Variants in CACNA2D3 observed in about 807,000 individuals in gnomAD.
CACNA2D3 encodes calcium voltage-gated channel auxiliary subunit alpha2delta 3, also known as voltage-dependent calcium channel subunit alpha-2/delta-3.
Under a neutral mutation model 160.6 loss-of-function variants are expected in CACNA2D3, and 60 were observed. That is an observed-to-expected ratio of 0.37 (90% CI 0.30 to 0.46). CACNA2D3 has a LOEUF of 0.46. Ranked by LOEUF, CACNA2D3 falls within the 20% of genes least tolerant of loss-of-function variation. The pLI, the probability that CACNA2D3 is intolerant of heterozygous loss-of-function variation, is 1.00. For synonymous variants in CACNA2D3, 558 were observed against 492.9 expected, an observed-to-expected ratio of 1.13 and a Z score of -1.75; for missense variants, 1,205 against 1,365.0, an observed-to-expected ratio of 0.88 and a Z score of 1.85.
chr3:54,233,001 C>T (rs1277423349), intron 2 of CACNA2D3, among the ~76,000 whole-genome samples: 2 of 152,082 alleles, frequency 1.3e-5, no homozygotes, highest in Admixed American at 6.6e-5. Flanking sequence ...AATAGTTATA[C>T]GCAATAAGGT....
chr3:54,912,437 T>C (rs1357765911), intron 27 of CACNA2D3, among the ~76,000 whole-genome samples: 1 of 152,038 alleles, frequency 6.6e-6, no homozygotes, highest in Non-Finnish European at 1.5e-5. Flanking sequence ...CTCAGCTCCT[T>C]CTACTTCCCT....
intron 13 of CACNA2D3, among the ~76,000 whole-genome samples, chr3:54,805,376 A>G (rs1703095231): frequency 6.6e-6 from 1 of 152,240 alleles, no homozygotes; most frequent in Admixed American, 6.5e-5. Flanking sequence ...GGATATCACT[A>G]CCGATCCCAC....
chr3:54,806,249 G>T (rs1021369738), intron 13 of CACNA2D3, among the ~76,000 whole-genome samples: 6 of 152,168 alleles, frequency 3.9e-5, no homozygotes, highest in African/African-American at 1.4e-4. Context: ...ATTAGGAAAA[G>T]AGGAAGTCAA....
intron 10 of CACNA2D3, among the ~76,000 whole-genome samples, chr3:54,630,103 A>G (rs891691759): frequency 2.0e-5 from 3 of 152,014 alleles, no homozygotes; most frequent in East Asian, 1.9e-4. Context: ...GCAGCTGTGC[A>G]TGTCACACAC....
Position 54,581,831 on chromosome 3 carries a change from C to A in CACNA2D3, c.917C>A (p.Pro306His). The stretch of plus-strand genomic sequence containing the variant: ...AATGAGGAGCTTCACTATGTGGAAC[C>A]TTGCCTGAATGGAACTTTGGTGCAA... ...AYNEELHYVE[P>H]CLNGTLVQAD... Residue 306 changes from proline (P) to histidine (H), a missense_variant, in exon 9 of 38, where the codon CCT (proline) becomes CAT (histidine). Around this residue, in one of 3 missense-constraint regions of CACNA2D3, gnomAD observed 911 missense variants for 1,002.2 expected, o/e 0.91. Transcript: ENST00000474759. 1 of 1,613,724 alleles carries A rather than the reference C, an allele frequency of 6.2e-7. No homozygotes were observed. The highest frequency in any genetic ancestry group is 8.5e-7 in the Non-Finnish European group (1 of 1,179,812).
At chr3:54,122,980 G>A (rs1325876839) in intron 1 of CACNA2D3, 145 bp downstream of exon 1, 2 of 728,764 alleles carry the variant, frequency 2.7e-6, no homozygotes, top group Non-Finnish European at 3.7e-6. Context: ...TTCGGGACCC[G>A]CGTCGGGCGG....
chr3:54,257,785 G>A (rs1026354736), intron 2 of CACNA2D3, among the ~76,000 whole-genome samples: 6 of 152,186 alleles, frequency 3.9e-5, no homozygotes, highest in Non-Finnish European at 7.3e-5. Flanking sequence ...TTCAGAAGGT[G>A]TAATGGTCTT....
chr3:54,406,852 G>T (rs188012501), intron 4 of CACNA2D3, among the ~76,000 whole-genome samples: 2 of 151,964 alleles, frequency 1.3e-5, no homozygotes, highest in Admixed American at 6.6e-5. Context: ...GGGTAACTAC[G>T]TGAGCTGATG....
At chr3:54,188,065 G>A (rs1282108894) in intron 2 of CACNA2D3, among the ~76,000 whole-genome samples, 3 of 152,146 alleles carry the variant, frequency 2.0e-5, no homozygotes, top group African/African-American at 4.8e-5. Flanking sequence ...GGATCAACAT[G>A]GGTATGTGCT....
At chr3:54,156,663 G>C (rs933047281) in intron 2 of CACNA2D3, among the ~76,000 whole-genome samples, 14 of 152,214 alleles carry the variant, frequency 9.2e-5, no homozygotes, top group African/African-American at 3.4e-4. Context: ...TCTTTGCCTT[G>C]GTGGAGCCAG....
Position 54,888,052 on chromosome 3 carries a change from A to G in CACNA2D3, c.2150A>G (p.Glu717Gly). 6.2e-7 allele frequency: 1 copy of G among 1,611,308 alleles called. No individual in the cohort carries two copies. The highest frequency in any genetic ancestry group is 8.5e-7 in the Non-Finnish European group (1 of 1,177,534). The part of the protein sequence containing the change: ...YWTSLALNKS[E>G]NSDKGVEVAF... ...ACCAGCCTGGCCCTCAACAAATCTG[A>G]GTAAGTGGTTGCACGTGTCCTCGTT... The change falls in exon 24 of 38, where the codon GAA becomes GGA. Residue 717 changes from glutamate (E) to glycine (G), a missense_variant and splice_region_variant. This residue lies in a region of CACNA2D3 where 911 missense variants were observed against 1,002.2 expected (regional missense o/e 0.91). Transcript: ENST00000474759.
At chr3:54,453,660 T>G (rs1443279027) in intron 4 of CACNA2D3, among the ~76,000 whole-genome samples, 1 of 152,166 alleles carries the variant, frequency 6.6e-6, no homozygotes. Context: ...GTCTTGCTCT[T>G]GCTCTCTCTC....
At chr3:54,693,601 C>T (rs1700606308) in intron 11 of CACNA2D3, among the ~76,000 whole-genome samples, 1 of 152,176 alleles carries the variant, frequency 6.6e-6, no homozygotes, top group Non-Finnish European at 1.5e-5. Context: ...GCAGGTCCTT[C>T]AGGAGGTGTC....
chr3:54,569,369 C>T (rs894623008), intron 6 of CACNA2D3, among the ~76,000 whole-genome samples: 4 of 152,174 alleles, frequency 2.6e-5, no homozygotes, highest in Non-Finnish European at 5.9e-5. Flanking sequence ...ATGCTTTCAA[C>T]CCCCCTCCTG....
chr3:54,417,895 TC>T (rs1699780943), intron 4 of CACNA2D3, among the ~76,000 whole-genome samples: 1 of 151,894 alleles, frequency 6.6e-6, no homozygotes, highest in African/African-American at 2.4e-5. Context: ...CAGGTGATCC[TC>T]CCATCTCAGC....
intron 13 of CACNA2D3, among the ~76,000 whole-genome samples, chr3:54,797,030 T>C (rs967003404): frequency 1.2e-4 from 18 of 152,178 alleles, no homozygotes; most frequent in African/African-American, 4.3e-4. Context: ...GACAGCTTTT[T>C]AACATGGGAT....
rs150961655 is a variant in CACNA2D3 at position 54,156,226 on chromosome 3, C to T, written c.204+32632C>T. On this transcript the variant is annotated intron_variant, in intron 2 of 37. Transcript: ENST00000474759. ...GGGGAGCGGGGAAATGAGACAGGGACAAGAAGGACATCCATAAAGGGTGTG... is the reference window on the plus strand; with the variant it reads ...GGGGAGCGGGGAAATGAGACAGGGATAAGAAGGACATCCATAAAGGGTGTG... Among the ~76,000 whole-genome samples the T allele has an allele frequency of 2.2e-3, 342 of 152,248 alleles. 1 individual carries two copies. The highest frequency in any genetic ancestry group is 6.8e-3 in the African/African-American group (284 of 41,548).
intron 29 of CACNA2D3, among the ~76,000 whole-genome samples, chr3:54,983,593 CTTT>C (rs1223145387): frequency 6.6e-6 from 1 of 152,184 alleles, no homozygotes; most frequent in Admixed American, 6.5e-5. Flanking sequence ...GCTAGCAGGG[CTTT>C]TAATTTTCTG....
rs142379017 is a variant in CACNA2D3, at chr3:54,865,362, C to T, written c.1627-6177C>T. On this transcript the variant is annotated intron_variant, in intron 17 of 37. Coordinates refer to ENST00000474759, the MANE Select transcript of CACNA2D3 (RefSeq NM_018398.3). ...GGAAAGTAAGGAAACACCAAATGCC[C>T]AAAGTACTTAGATTGTGACTCTCTC... 1.9e-3 allele frequency among the ~76,000 whole-genome samples: 294 copies of T among 152,318 alleles called. 1 individual carries two copies. Among genetic ancestry groups the T allele is most frequent in the African/African-American group, 6.9e-3 (287 of 41,554 alleles).
Sources: gnomAD v4.1 joint callset for allele counts (sites outside exome capture counted in the v4.1 genomes callset) on GRCh38, gnomAD v4.1.1 for gene constraint, gnomAD v4.1.1 regional missense constraint, MANE v1.5 for transcripts, NCBI Gene and HGNC (gene_info 2026-07-23, HGNC 2026-07-21) for gene names.